TENM2: variants seen among roughly 807,000 people sequenced by gnomAD.
The protein encoded by TENM2 is teneurin transmembrane protein 2, also known as teneurin-2.
In TENM2, 52 loss-of-function variants were observed where a neutral mutation model predicts 245.2. That is an observed-to-expected ratio of 0.21 (90% confidence interval 0.17 to 0.27). The LOEUF is 0.27. Among genes scored for constraint, TENM2 ranks in the 10% least tolerant of loss-of-function variants. The pLI is 1.00. For synonymous variants in TENM2, 1,363 were observed against 1,438.9 expected (o/e 0.95, Z 1.19); for missense variants, 3,046 against 3,666.8 (o/e 0.83, Z 4.37).
intron 5 of TENM2, among the ~76,000 whole-genome samples, chr5:168,029,991 T>C (rs889348238): frequency 6.6e-6 from 1 of 152,010 alleles, no homozygotes; most frequent in Non-Finnish European, 1.5e-5. Flanking sequence ...AAAGCATTCA[T>C]ACAAGAGGCA....
chr5:167,261,953 A>G, the TENM2 span, among the ~76,000 whole-genome samples: 1 of 152,194 alleles, frequency 6.6e-6, no homozygotes, highest in Admixed American at 6.5e-5. Context: ...ATTCAACACC[A>G]GGCTCCAAGG....
intron 2 of TENM2, among the ~76,000 whole-genome samples, chr5:167,849,671 A>G (rs1425755335): frequency 6.6e-6 from 1 of 152,166 alleles, no homozygotes; most frequent in African/African-American, 2.4e-5. Context: ...CCTGGTATAA[A>G]TCAGAGGACC....
At chr5:167,654,432 G>A (rs2150300560) in intron 2 of TENM2, among the ~76,000 whole-genome samples, 1 of 152,040 alleles carries the variant, frequency 6.6e-6, no homozygotes, top group Middle Eastern at 3.4e-3. Context: ...TGCTCCCTGG[G>A]CACCTCACTT....
chr5:168,161,903 C>T (rs545006764), intron 12 of TENM2, among the ~76,000 whole-genome samples: 5 of 152,150 alleles, frequency 3.3e-5, no homozygotes, highest in East Asian at 1.9e-4. Context: ...CACCCTTCCC[C>T]GAGCACATAT....
chr5:168,007,377 C>T lies in TENM2; in HGVS notation c.1186+14195C>T, dbSNP rs146390685. ...CTCCTGACCTCAGGTTATCTGCCCA[C>T]CTTGGCCTCCTAAAGTGCTGGGATT... On this transcript the variant is annotated intron_variant, in intron 5 of 28. Transcript: ENST00000518659. Among the ~76,000 whole-genome samples, 874 of 152,296 alleles carry T rather than the reference C, an allele frequency of 5.7e-3. 3 individuals are homozygous for T. Among genetic ancestry groups the T allele is most frequent in the African/African-American group, 0.02 (840 of 41,574 alleles).
chr5:168,011,023 C>T (rs1785180368), intron 5 of TENM2, among the ~76,000 whole-genome samples: 1 of 152,208 alleles, frequency 6.6e-6, no homozygotes, highest in Non-Finnish European at 1.5e-5. Flanking sequence ...GCCCATTAAG[C>T]TGACTTGATT....
chr5:167,536,721 A>G (rs1771875997), intron 2 of TENM2, among the ~76,000 whole-genome samples: 1 of 152,154 alleles, frequency 6.6e-6, no homozygotes. Context: ...GTCTAGTTCA[A>G]GATTAGATGT....
At position 168,208,597 on chromosome 5, in the gene TENM2, G is replaced by C. The variant is rs142210598; in HGVS notation, c.3825-3137G>C. On this transcript the variant is annotated intron_variant, in intron 19 of 28. Transcript: ENST00000518659. ...GTAGACTGTTAGGGAAGACTATGTGGTTCCACTTAAAGAACGGAAATGCTT... is the reference window on the plus strand; with the variant it reads ...GTAGACTGTTAGGGAAGACTATGTGCTTCCACTTAAAGAACGGAAATGCTT... Among the ~76,000 whole-genome samples, 435 of 152,344 alleles carry C rather than the reference G, an allele frequency of 2.9e-3. 2 individuals are homozygous for C. The highest frequency in any genetic ancestry group is 0.01 in the African/African-American group (417 of 41,580).
At chr5:167,602,072 G>A (rs60290329) in intron 2 of TENM2, among the ~76,000 whole-genome samples, 6,655 of 151,816 alleles carry the variant, frequency 0.044, 257 homozygotes, top group African/African-American at 0.11. Context: ...AGGAAACGTG[G>A]GAAGGTTTTG....
chr5:167,054,762 C>T, the TENM2 span, among the ~76,000 whole-genome samples: 1 of 152,086 alleles, frequency 6.6e-6, no homozygotes, highest in Non-Finnish European at 1.5e-5. Context: ...TTTTAATTTG[C>T]AATTTCCTAA....
intron 2 of TENM2, among the ~76,000 whole-genome samples, chr5:167,535,617 C>G (rs1582318145): frequency 6.6e-6 from 1 of 152,130 alleles, no homozygotes; most frequent in South Asian, 2.1e-4. Context: ...CTGGGGGAAA[C>G]TAGCTTTGGC....
At chr5:167,242,498 C>T in the TENM2 span, among the ~76,000 whole-genome samples, 1 of 152,044 alleles carries the variant, frequency 6.6e-6, no homozygotes, top group Non-Finnish European at 1.5e-5. Context: ...TTACTTATAC[C>T]TCGGTTTTCT....
Position 167,288,545 on chromosome 5 carries a change from C to G in TENM2, c.226+3482C>G, listed in dbSNP as rs563485007. ...CTGCACTCCAGCCTGGGCGACAGAG[C>G]GAGACTCCGTCTCAAAAAAAAAAAA... is the stretch of plus-strand genomic sequence containing the variant. On this transcript the variant is annotated intron_variant, in intron 1 of 28. Transcript: ENST00000518659. 2.9e-5 allele frequency among the ~76,000 whole-genome samples: 4 copies of G among 138,142 alleles called. No individual in the cohort carries two copies. In the East Asian group the frequency reaches 8.3e-4, roughly 29 times the overall value. The allele number at this position is 138,142 out of a possible 152,430, so 90.6% of individuals were successfully genotyped here.
the TENM2 span, among the ~76,000 whole-genome samples, chr5:167,176,748 C>G: frequency 6.6e-6 from 1 of 152,102 alleles, no homozygotes; most frequent in Non-Finnish European, 1.5e-5. Flanking sequence ...TGTAAGGTGC[C>G]TTTTGTGTAG....
chr5:167,546,747 A>T (rs1334491316), intron 2 of TENM2, among the ~76,000 whole-genome samples: 2 of 152,180 alleles, frequency 1.3e-5, no homozygotes, highest in African/African-American at 4.8e-5. Flanking sequence ...AATGACAACC[A>T]AGCATCAGAT....
chr5:167,298,535 C>T (rs1411921283), intron 1 of TENM2, among the ~76,000 whole-genome samples: 1 of 152,136 alleles, frequency 6.6e-6, no homozygotes, highest in South Asian at 2.1e-4. Context: ...CCCCAGGGGG[C>T]GGAGCCTGCA....
At chr5:167,283,210 A>AG, upstream of TENM2, among the ~76,000 whole-genome samples, 1 of 148,876 alleles carries the variant, frequency 6.7e-6, no homozygotes, top group South Asian at 2.2e-4. Context: ...GGCCCAGCGA[A>AG]TTTTTTTTTT....
chr5:168,035,526 G>A (rs1787588075), intron 5 of TENM2, among the ~76,000 whole-genome samples: 1 of 151,606 alleles, frequency 6.6e-6, no homozygotes, highest in South Asian at 2.1e-4. Context: ...AGTCATAAGT[G>A]GCTTGTGTTT....
At chr5:167,610,425 C>A (rs1777397823) in intron 2 of TENM2, among the ~76,000 whole-genome samples, 1 of 152,032 alleles carries the variant, frequency 6.6e-6, no homozygotes, top group African/African-American at 2.4e-5. Flanking sequence ...AAGTCTCAAC[C>A]CTCTAATCAT....
Sources: allele counts gnomAD v4.1 joint callset (sites outside exome capture counted in the v4.1 genomes callset), GRCh38; gene constraint gnomAD v4.1.1; transcripts MANE v1.5; gene names NCBI Gene and HGNC (gene_info 2026-07-23, HGNC 2026-07-21).